AOPEP: variants seen among roughly 807,000 people sequenced by gnomAD.
The protein encoded by AOPEP is aminopeptidase O.
Under a neutral mutation model 98.1 loss-of-function variants are expected in AOPEP, and 77 were observed. The observed-to-expected ratio is 0.78, with a 90% CI of 0.65 to 0.95. The LOEUF (loss-of-function observed/expected upper bound fraction) is 0.95. Among genes scored for constraint, AOPEP ranks in the 40% least tolerant of loss-of-function variants. AOPEP has a pLI of 0.00. For missense variants in AOPEP, 1,024 were observed against 1,024.7 expected, an observed-to-expected ratio of 1.00 and a Z score of 0.01; for synonymous variants, 346 against 365.3, an observed-to-expected ratio of 0.95 and a Z score of 0.60.
Position 94,865,246 on chromosome 9 carries a change from A to G in AOPEP, c.1365-58740A>G, listed in dbSNP as rs184094425. On this transcript the variant is annotated intron_variant, in intron 5 of 16. Transcript: ENST00000375315. Reference sequence around the variant, plus strand: ...GCTGACGACATATTTAAAACAAATGAGGACTTAGGAAAAAACAGGAAATTT... The same window carrying G: ...GCTGACGACATATTTAAAACAAATGGGGACTTAGGAAAAAACAGGAAATTT... 7.2e-5 allele frequency among the ~76,000 whole-genome samples: 11 copies of G among 152,296 alleles called. No homozygotes were observed. The South Asian group carries it at 1.0e-3, about 14-fold the overall frequency.
chr9:94,801,992 C>G (rs922318069), intron 5 of AOPEP, among the ~76,000 whole-genome samples: 1 of 152,166 alleles, frequency 6.6e-6, no homozygotes. Context: ...CATGTATGTA[C>G]TTTAAAGACT....
intron 7 of AOPEP, among the ~76,000 whole-genome samples, chr9:94,929,474 G>T (rs998871751): frequency 1.3e-5 from 2 of 152,264 alleles, no homozygotes; most frequent in African/African-American, 4.8e-5. Flanking sequence ...GCAGAATGTT[G>T]GGGTATGGCA....
chr9:94,745,505 G>T (rs1424129320), intron 1 of AOPEP, among the ~76,000 whole-genome samples: 1 of 152,134 alleles, frequency 6.6e-6, no homozygotes, highest in Non-Finnish European at 1.5e-5. Flanking sequence ...TCGATCTCCT[G>T]ACCTCGTGAT....
the AOPEP span, among the ~76,000 whole-genome samples, chr9:95,125,734 T>C: frequency 1.6e-4 from 24 of 152,208 alleles, no homozygotes; most frequent in Non-Finnish European, 3.1e-4. Flanking sequence ...TGGTGAGTTA[T>C]TGTCACAGTA....
intron 14 of AOPEP, among the ~76,000 whole-genome samples, chr9:95,079,624 C>T (rs997345366): frequency 3.9e-5 from 6 of 152,196 alleles, no homozygotes; most frequent in Non-Finnish European, 8.8e-5. Flanking sequence ...CCGCCTGCTC[C>T]GGGATGTGGG....
Position 94,772,788 on chromosome 9 carries a change from A to T in AOPEP, c.798-214A>T, listed in dbSNP as rs75735000. Among the ~76,000 whole-genome samples the T allele has an allele frequency of 0.038, 5,786 of 152,242 alleles. 351 individuals are homozygous for T. Among genetic ancestry groups the T allele is most frequent in the African/African-American group, 0.13 (5,480 of 41,534 alleles). On this transcript the variant is annotated intron_variant, in intron 2 of 16. Transcript: ENST00000375315. Reference sequence around the variant, plus strand: ...TTAAATAAACCAACTCTTTTTACATATTTAAGTAATTCATCTGAGAGAAGT... The same window carrying T: ...TTAAATAAACCAACTCTTTTTACATTTTTAAGTAATTCATCTGAGAGAAGT...
chr9:94,828,415 G>T (rs996914067), intron 5 of AOPEP, among the ~76,000 whole-genome samples: 2 of 152,142 alleles, frequency 1.3e-5, no homozygotes, highest in Non-Finnish European at 2.9e-5. Context: ...GTGAGGAGGG[G>T]TGTTTTGCCT....
intron 5 of AOPEP, among the ~76,000 whole-genome samples, chr9:94,912,739 A>G (rs1652240540): frequency 6.6e-6 from 1 of 152,226 alleles, no homozygotes; most frequent in African/African-American, 2.4e-5. Flanking sequence ...TTGCTGGCAC[A>G]GCGCGTTTCT....
intron 5 of AOPEP, among the ~76,000 whole-genome samples, chr9:94,821,685 A>G (rs548544541): frequency 6.6e-6 from 1 of 152,314 alleles, no homozygotes; most frequent in African/African-American, 2.4e-5. Context: ...TCTAGAGCAT[A>G]CCACCCAAAA....
intron 13 of AOPEP, among the ~76,000 whole-genome samples, chr9:95,012,545 T>G (rs1224702555): frequency 6.6e-6 from 1 of 152,214 alleles, no homozygotes; most frequent in African/African-American, 2.4e-5. Flanking sequence ...GAGCTGCTGT[T>G]TTGTGCCTGG....
rs565484974 is a variant in AOPEP, at chr9:94,958,037, A to G, written c.1872+2022A>G. 1.1e-4 allele frequency among the ~76,000 whole-genome samples: 17 copies of G among 152,002 alleles called. No individual in the cohort carries two copies. The South Asian group carries it at 2.5e-3, about 22-fold the overall frequency. ...CCCATACCATTAATATTTCATCATGATAACCCTCCATTCTTTCCTCCCCCA... is the reference window on the plus strand; with the variant it reads ...CCCATACCATTAATATTTCATCATGGTAACCCTCCATTCTTTCCTCCCCCA... On this transcript the variant is annotated intron_variant, in intron 9 of 16. Transcript: ENST00000375315.
the AOPEP span, chr9:95,114,250 G>T: frequency 2.9e-6 from 1 of 343,404 alleles, no homozygotes; most frequent in Non-Finnish European, 5.7e-6. Flanking sequence ...GAAGACCACA[G>T]GACCCAAACA....
chr9:94,866,231 C>T (rs1022893072), intron 5 of AOPEP, among the ~76,000 whole-genome samples: 3 of 152,148 alleles, frequency 2.0e-5, no homozygotes, highest in African/African-American at 7.2e-5. Context: ...CAGTGTATTT[C>T]TGAAGAATCA....
intron 5 of AOPEP, among the ~76,000 whole-genome samples, chr9:94,821,005 T>G (rs1232701532): frequency 6.6e-6 from 1 of 152,220 alleles, no homozygotes; most frequent in Non-Finnish European, 1.5e-5. Flanking sequence ...TTTCACTAAT[T>G]TTAACAATTC....
chr9:94,993,818 A>G (rs1424044907), intron 11 of AOPEP, among the ~76,000 whole-genome samples: 1 of 152,170 alleles, frequency 6.6e-6, no homozygotes, highest in East Asian at 1.9e-4. Context: ...CTTTATTGGC[A>G]TGAACATGCA....
intron 5 of AOPEP, among the ~76,000 whole-genome samples, chr9:94,854,207 T>C (rs1056579486): frequency 6.6e-6 from 1 of 152,056 alleles, no homozygotes; most frequent in African/African-American, 2.4e-5. Context: ...AGAGAGCAGG[T>C]GGTGGTCTGT....
At position 94,945,694 on chromosome 9, in the gene AOPEP, C is replaced by T. The variant is rs75984188; in HGVS notation, c.1662-9483C>T. Among the ~76,000 whole-genome samples, 50 of 152,256 alleles carry T rather than the reference C, an allele frequency of 3.3e-4. No individual in the cohort carries two copies. The East Asian group carries it at 8.7e-3, about 26-fold the overall frequency. ...CTCCTCGTTGAGTCATCAGATGAGGCGATCCTTCCCATTACCTCAGCACAC... is the reference window on the plus strand; with the variant it reads ...CTCCTCGTTGAGTCATCAGATGAGGTGATCCTTCCCATTACCTCAGCACAC... On this transcript the variant is annotated intron_variant, in intron 7 of 16. Transcript: ENST00000375315.
the AOPEP span, among the ~76,000 whole-genome samples, chr9:95,107,724 C>T: frequency 2.0e-5 from 3 of 151,910 alleles, no homozygotes; most frequent in African/African-American, 7.3e-5. Flanking sequence ...GGGGTCAGGG[C>T]GGGGGGTCGG....
intron 14 of AOPEP, among the ~76,000 whole-genome samples, chr9:95,062,377 T>G (rs1463599407): frequency 6.6e-6 from 1 of 152,218 alleles, no homozygotes; most frequent in East Asian, 1.9e-4. Flanking sequence ...CCGAGATGCA[T>G]ATGTAAAGCT....
Sources: gnomAD v4.1 joint callset for allele counts (sites outside exome capture counted in the v4.1 genomes callset) on GRCh38, gnomAD v4.1.1 for gene constraint, MANE v1.5 for transcripts, NCBI Gene and HGNC (gene_info 2026-07-23, HGNC 2026-07-21) for gene names.